CSMD1: variants seen among roughly 807,000 people sequenced by gnomAD.
The protein encoded by CSMD1 is CUB and sushi domain-containing protein 1.
A neutral mutation model predicts 417.5 loss-of-function variants in CSMD1; 213 were observed. The ratio of observed to expected loss-of-function variants is 0.51; its 90% CI spans 0.46 to 0.57. The LOEUF (loss-of-function observed/expected upper bound fraction) is 0.57. Ranked by LOEUF, CSMD1 falls within the 20% of genes least tolerant of loss-of-function variation. CSMD1 has a pLI of 0.00. For synonymous variants in CSMD1, 2,862 were observed against 1,736.8 expected (o/e 1.65, Z -16.11); for missense variants, 6,923 against 4,529.7 (o/e 1.53, Z -15.17).
At chr8:4,121,912 A>T (rs1298190863) in intron 3 of CSMD1, among the ~76,000 whole-genome samples, 1 of 152,112 alleles carries the variant, frequency 6.6e-6, no homozygotes, top group Non-Finnish European at 1.5e-5. Flanking sequence ...CTCATGAATC[A>T]CACATCACAC....
At chr8:3,602,770 C>T (rs80138756) in intron 8 of CSMD1, among the ~76,000 whole-genome samples, 3,394 of 151,694 alleles carry the variant, frequency 0.022, 146 homozygotes, top group African/African-American at 0.078. Context: ...TACAGAAGGT[C>T]ATTTTGAAGA....
chr8:4,709,786 A>AG (rs1297037550), intron 1 of CSMD1, among the ~76,000 whole-genome samples: 1 of 152,182 alleles, frequency 6.6e-6, no homozygotes, highest in East Asian at 1.9e-4. Context: ...GAGAAGTCAC[A>AG]GGGGAAAGAG....
At chr8:4,209,873 G>A (rs1004809107) in intron 3 of CSMD1, among the ~76,000 whole-genome samples, 4 of 152,210 alleles carry the variant, frequency 2.6e-5, no homozygotes, top group African/African-American at 9.6e-5. Flanking sequence ...TTTCTAGAAT[G>A]TAGGTGGTAA....
intron 12 of CSMD1, among the ~76,000 whole-genome samples, chr8:3,459,766 T>C (rs968700333): frequency 2.0e-5 from 3 of 151,948 alleles, no homozygotes; most frequent in Non-Finnish European, 4.4e-5. Context: ...CATGAACAGA[T>C]TTGGGTCCAG....
chr8:4,561,604 C>T (rs115350488), intron 2 of CSMD1, among the ~76,000 whole-genome samples: 18,349 of 152,040 alleles, frequency 0.12, 1,179 homozygotes, highest in Non-Finnish European at 0.14. Context: ...ATCCCTTGAG[C>T]CCAGGAGATT....
intron 1 of CSMD1, among the ~76,000 whole-genome samples, chr8:4,827,816 T>G (rs978778715): frequency 6.6e-6 from 1 of 152,200 alleles, no homozygotes; most frequent in African/African-American, 2.4e-5. Flanking sequence ...ATTTTTACTG[T>G]AATCTACAGG....
intron 10 of CSMD1, among the ~76,000 whole-genome samples, chr8:3,511,527 G>A (rs1201230063): frequency 6.6e-6 from 1 of 151,658 alleles, no homozygotes; most frequent in Admixed American, 6.6e-5. Flanking sequence ...GGCCGAGGCA[G>A]GTAGATCACT....
intron 3 of CSMD1, among the ~76,000 whole-genome samples, chr8:4,318,791 A>G (rs758544944): frequency 7.9e-5 from 12 of 152,086 alleles, no homozygotes; most frequent in Admixed American, 2.6e-4. Flanking sequence ...TTGTATTTAC[A>G]AGCAAGTTAA....
intron 3 of CSMD1, among the ~76,000 whole-genome samples, chr8:4,350,254 G>A (rs1264033048): frequency 6.6e-6 from 1 of 152,112 alleles, no homozygotes; most frequent in African/African-American, 2.4e-5. Context: ...CTCAACAACT[G>A]GAAGCCTCAC....
In CSMD1 at chr8:4,948,490, T is replaced by C. The variant is rs558616661; in HGVS notation, c.85+45842A>G. On this transcript the variant is annotated intron_variant, in intron 1 of 69. Coordinates refer to ENST00000635120, the MANE Select transcript of CSMD1 (RefSeq NM_033225.6). ...ATCTTGATGTCTGCATTTATTTAGA[T>C]TGCATAATGACCTTCATTAAAGTTT... Among the ~76,000 whole-genome samples, 5 of 152,152 alleles carry C rather than the reference T, an allele frequency of 3.3e-5. No individual in the cohort carries two copies. In the South Asian group the frequency reaches 6.2e-4, roughly 19 times the overall value.
chr8:3,519,569 G>C (rs1004984516), intron 10 of CSMD1, among the ~76,000 whole-genome samples: 1 of 152,158 alleles, frequency 6.6e-6, no homozygotes, highest in Non-Finnish European at 1.5e-5. Flanking sequence ...GGACCAATGA[G>C]TACCTTGGTA....
chr8:4,191,353 G>C (rs187461177), intron 3 of CSMD1, among the ~76,000 whole-genome samples: 36 of 152,150 alleles, frequency 2.4e-4, no homozygotes, highest in Middle Eastern at 6.8e-3. Context: ...CAGAGATCGC[G>C]CCACTGCACT....
rs767668610 is a variant in CSMD1 at position 3,817,252 on chromosome 8, C to CTTTTTTTTTT, written c.819-63220_819-63211dup. Among the ~76,000 whole-genome samples, 52 of 54,420 alleles carry CTTTTTTTTTT rather than the reference C, an allele frequency of 9.6e-4. 15 individuals are homozygous for CTTTTTTTTTT. Among genetic ancestry groups the CTTTTTTTTTT allele is most frequent in the East Asian group, 2.1e-3 (3 of 1,420 alleles). 35.7% of individuals were successfully genotyped at this position (54,420 alleles called of 152,430 possible). A position where few individuals can be genotyped will look rare whatever the true frequency, so the allele number is the denominator to read the frequency against. On this transcript the variant is annotated intron_variant, in intron 5 of 69. Coordinates refer to ENST00000635120, the MANE Select transcript of CSMD1 (RefSeq NM_033225.6). The stretch of plus-strand genomic sequence containing the variant: ...TCCAAAGTGGTCATATCTTCTTCTT[C>CTTTTTTTTTT]TTTTTTTTTTTTTTTTTTTTTTTTT...
intron 4 of CSMD1, among the ~76,000 whole-genome samples, chr8:4,024,476 T>A (rs919141789): frequency 6.6e-6 from 1 of 152,218 alleles, no homozygotes; most frequent in African/African-American, 2.4e-5. Flanking sequence ...AAAGTTGGGA[T>A]GAGACCACCC....
intron 3 of CSMD1, among the ~76,000 whole-genome samples, chr8:4,417,409 C>T (rs956292902): frequency 6.6e-6 from 1 of 151,972 alleles, no homozygotes; most frequent in Non-Finnish European, 1.5e-5. Context: ...ATCATGTTTA[C>T]ATAGATCTTA....
At chr8:4,826,040 C>T (rs1385914126) in intron 1 of CSMD1, among the ~76,000 whole-genome samples, 1 of 151,908 alleles carries the variant, frequency 6.6e-6, no homozygotes, top group Non-Finnish European at 1.5e-5. Context: ...GTCCATTGAA[C>T]ATGAAACAGC....
At chr8:4,651,217 T>C (rs1331584008) in intron 1 of CSMD1, among the ~76,000 whole-genome samples, 2 of 152,196 alleles carry the variant, frequency 1.3e-5, no homozygotes, top group East Asian at 3.8e-4. Context: ...AACTTAAGAA[T>C]ATTAAATACC....
chr8:4,052,101 TA>T lies in CSMD1; in HGVS notation c.416-20003del, dbSNP rs1585211083. 4.6e-5 allele frequency among the ~76,000 whole-genome samples: 7 copies of T among 152,106 alleles called. No individual in the cohort carries two copies. In the South Asian group the frequency reaches 6.2e-4, roughly 14 times the overall value. On this transcript the variant is annotated intron_variant, in intron 3 of 69. Transcript: ENST00000635120. ...AATACCCAGCTAATTTCTGTATTTT[TA>T]AAAATAGAGACAGGGTTTCACCATG...
intron 3 of CSMD1, among the ~76,000 whole-genome samples, chr8:4,182,318 G>C (rs1337179649): frequency 1.3e-5 from 2 of 152,062 alleles, no homozygotes; most frequent in Non-Finnish European, 2.9e-5. Flanking sequence ...CTTGGTTTCA[G>C]TAAATTTATT....
Sources: allele counts gnomAD v4.1 joint callset (sites outside exome capture counted in the v4.1 genomes callset), GRCh38; gene constraint gnomAD v4.1.1; transcripts MANE v1.5; gene names NCBI Gene and HGNC (gene_info 2026-07-23, HGNC 2026-07-21).